HSPA4L: variants seen among roughly 807,000 people sequenced by gnomAD.
HSPA4L encodes the protein heat shock 70 kDa protein 4L.
HSPA4L carries 48 observed loss-of-function variants against 100.3 expected under a neutral mutation model. The observed-to-expected ratio is 0.48, with a 90% CI of 0.38 to 0.61. The LOEUF (loss-of-function observed/expected upper bound fraction) is 0.61. Ranked by LOEUF, HSPA4L falls within the 20% of genes least tolerant of loss-of-function variation. The pLI is 0.00. For synonymous variants in HSPA4L, 319 were observed against 328.2 expected (o/e 0.97, Z 0.30); for missense variants, 886 against 988.6 (o/e 0.90, Z 1.39).
chr4:127,802,453 C>G (rs1038913085), intron 6 of HSPA4L, among the ~76,000 whole-genome samples: 1 of 152,132 alleles, frequency 6.6e-6, no homozygotes, highest in Non-Finnish European at 1.5e-5. Context: ...AACTGCAACA[C>G]TGCAAGAGTA....
chr4:127,809,435 G>A (rs1165806550), intron 11 of HSPA4L: 12 of 1,236,028 alleles, frequency 9.7e-6, no homozygotes, highest in Non-Finnish European at 1.4e-5. Context: ...CTGCATTTGG[G>A]AACCTGATTC....
At position 127,782,353 on chromosome 4, in the gene HSPA4L, T is replaced by C. The variant is rs1026985512; in HGVS notation, c.-198T>C. ...GAAAGACCCAGGCTGCGGGACGCGG[T>C]GCAGGCTGCGGCGCTGACGGCCTCT... On this transcript the variant is annotated 5_prime_UTR_variant, in exon 1 of 19. Coordinates refer to ENST00000296464, the MANE Select transcript of HSPA4L (RefSeq NM_014278.4). 1 of 572,234 alleles carries C rather than the reference T, an allele frequency of 1.7e-6. No homozygotes were observed. Among genetic ancestry groups the C allele is most frequent in the Non-Finnish European group, 3.1e-6 (1 of 319,628 alleles). The allele number at this position is 572,234 out of a possible 1,614,324, so 35.4% of individuals were successfully genotyped here.
At chr4:127,802,122 G>A (rs2148784675) in intron 6 of HSPA4L, among the ~76,000 whole-genome samples, 1 of 152,220 alleles carries the variant, frequency 6.6e-6, no homozygotes, top group South Asian at 2.1e-4. Context: ...ATGAGTTAAT[G>A]TGTACAAAAT....
intron 12 of HSPA4L, among the ~76,000 whole-genome samples, chr4:127,814,088 T>C (rs1173368849): frequency 6.6e-6 from 1 of 152,186 alleles, no homozygotes; most frequent in African/African-American, 2.4e-5. Context: ...CTGCTTCTGT[T>C]TGTCTGTGAG....
In HSPA4L at chr4:127,833,848, A is replaced by ATT. The variant is rs923564410; in HGVS notation, c.*975_*976dup. 2 of 152,200 alleles carry ATT rather than the reference A, an allele frequency of 1.3e-5. No individual in the cohort carries two copies. The highest frequency in any genetic ancestry group is 4.8e-5 in the African/African-American group (2 of 41,474). The allele number at this position is 152,200 out of a possible 1,614,324, so 9.4% of individuals were successfully genotyped here. A position where few individuals can be genotyped will look rare whatever the true frequency, so the allele number is the denominator to read the frequency against. ...AATGTTACCTTGTAGATTAAACACTATTAAGTGGTAATACTTGAAAAGGAG... is the reference window on the plus strand; with the variant it reads ...AATGTTACCTTGTAGATTAAACACTATTTTAAGTGGTAATACTTGAAAAGGAG... On this transcript the variant is annotated 3_prime_UTR_variant, in exon 19 of 19. Coordinates refer to ENST00000296464, the MANE Select transcript of HSPA4L (RefSeq NM_014278.4).
intron 12 of HSPA4L, among the ~76,000 whole-genome samples, chr4:127,814,312 C>A (rs934404708): frequency 6.6e-6 from 1 of 152,074 alleles, no homozygotes; most frequent in South Asian, 2.1e-4. Context: ...CTTAATATTT[C>A]TTTTACAATG....
Position 127,833,070 on chromosome 4 carries a change from C to T in HSPA4L, c.*196C>T, listed in dbSNP as rs568655912. On this transcript the variant is annotated 3_prime_UTR_variant, in exon 19 of 19. Transcript: ENST00000296464. ...ATTGCTGCTTATATGCAGTGTTAGC[C>T]GAATTAGATTTACAAGACAATCTAA... The T allele has an allele frequency of 3.2e-5, 13 of 406,570 alleles. No homozygotes were observed. In the East Asian group the frequency reaches 4.0e-4, roughly 13 times the overall value. 25.2% of individuals were successfully genotyped at this position (406,570 alleles called of 1,614,324 possible). A position where few individuals can be genotyped will look rare whatever the true frequency, so the allele number is the denominator to read the frequency against.
intron 10 of HSPA4L, among the ~76,000 whole-genome samples, chr4:127,807,771 A>T (rs958015148): frequency 6.6e-6 from 1 of 152,124 alleles, no homozygotes. Flanking sequence ...TTCTCTTTTT[A>T]ATAGTATACA....
At position 127,782,534 on chromosome 4, in the gene HSPA4L, G is replaced by T; in HGVS notation, c.-17G>T. On this transcript the variant is annotated 5_prime_UTR_variant, in exon 1 of 19. Transcript: ENST00000296464. ...CCGAAGGGTTCAGTACCAGCAGCCC[G>T]ACCATCACGCGGCGGGATGTCTGTG... The T allele has an allele frequency of 1.9e-6, 3 of 1,606,538 alleles. No individual in the cohort carries two copies. The highest frequency in any genetic ancestry group is 1.1e-5 in the South Asian group (1 of 90,812).
At position 127,811,384 on chromosome 4, in the gene HSPA4L, T is replaced by G. The variant is rs1733523955; in HGVS notation, c.1379-53T>G. The G allele has an allele frequency of 3.8e-6, 5 of 1,329,392 alleles. No homozygotes were observed. In the South Asian group the frequency reaches 6.2e-5, roughly 16 times the overall value. The allele number at this position is 1,329,392 out of a possible 1,614,324, so 82.3% of individuals were successfully genotyped here. ...ATGATAGCCAAATTATTCAATGAAT[T>G]GAATAAGTTAATCTGAGGCTCACAT... On this transcript the variant is annotated intron_variant, in intron 11 of 18. Transcript: ENST00000296464.
chr4:127,829,264 G>GA (rs1313777137), intron 17 of HSPA4L, among the ~76,000 whole-genome samples: 2 of 152,136 alleles, frequency 1.3e-5, no homozygotes, highest in Non-Finnish European at 2.9e-5. Context: ...CACTGTGGTT[G>GA]AAAATAGGGG....
At chr4:127,830,938 T>C (rs952754656) in intron 18 of HSPA4L, 139 bp downstream of exon 18, 1 of 566,658 alleles carries the variant, frequency 1.8e-6, no homozygotes, top group African/African-American at 2.0e-5. Flanking sequence ...AGTTAAAAAA[T>C]TTTAAGATTT....
At chr4:127,811,903 C>G (rs540825175) in intron 12 of HSPA4L, among the ~76,000 whole-genome samples, 1 of 152,248 alleles carries the variant, frequency 6.6e-6, no homozygotes, top group African/African-American at 2.4e-5. Context: ...ACCTGGAATT[C>G]TTTCCTAAGT....
chr4:127,823,368 C>G, intron 15 of HSPA4L, 149 bp from the exon 16 acceptor site: 1 of 577,384 alleles, frequency 1.7e-6, no homozygotes, highest in Non-Finnish European at 3.1e-6. Context: ...AGGCTGGTCT[C>G]TTAGTTCTGG....
intron 2 of HSPA4L, among the ~76,000 whole-genome samples, chr4:127,794,889 G>T (rs990133894): frequency 6.6e-6 from 1 of 152,056 alleles, no homozygotes; most frequent in Non-Finnish European, 1.5e-5. Context: ...GGCTTTAAAG[G>T]TCACTAGGAT....
intron 18 of HSPA4L, 33 bp from the exon 19 acceptor site, chr4:127,832,650 G>A (rs771571387): frequency 4.3e-5 from 64 of 1,492,708 alleles, no homozygotes; most frequent in Admixed American, 1.9e-4. Flanking sequence ...TTCTGTAATC[G>A]TTTTAATATA....
intron 1 of HSPA4L, among the ~76,000 whole-genome samples, chr4:127,789,241 A>C (rs542001840): frequency 2.6e-5 from 4 of 152,258 alleles, no homozygotes; most frequent in African/African-American, 9.6e-5. Context: ...TAAAAGGAAC[A>C]TAGGACATTT....
At chr4:127,831,621 G>C (rs964705545) in intron 18 of HSPA4L, among the ~76,000 whole-genome samples, 27 of 150,692 alleles carry the variant, frequency 1.8e-4, no homozygotes, top group African/African-American at 6.6e-4. Flanking sequence ...TTTACATATA[G>C]AGATATCTGT....
intron 1 of HSPA4L, among the ~76,000 whole-genome samples, chr4:127,791,736 C>T (rs1474843820): frequency 1.3e-5 from 2 of 152,204 alleles, no homozygotes; most frequent in Non-Finnish European, 2.9e-5. Flanking sequence ...CCACTTTTAT[C>T]CCATCATCAT....
Sources: gnomAD v4.1 joint callset for allele counts (sites outside exome capture counted in the v4.1 genomes callset) on GRCh38, gnomAD v4.1.1 for gene constraint, MANE v1.5 for transcripts, NCBI Gene and HGNC (gene_info 2026-07-23, HGNC 2026-07-21) for gene names.